The following TJP1 variants were observed in gnomAD, a reference collection of about 807,000 sequenced individuals.
The protein encoded by TJP1 is tight junction protein ZO-1.
TJP1 carries 43 observed loss-of-function variants against 194.2 expected under a neutral mutation model. The ratio of observed to expected loss-of-function variants is 0.22; its 90% CI spans 0.17 to 0.29. The LOEUF is 0.29. Among genes scored for constraint, TJP1 ranks in the 10% least tolerant of loss-of-function variants. The probability of loss-of-function intolerance (pLI) is 1.00; values close to 1 mark genes in which losing one functional copy is unlikely to be tolerated. For missense variants in TJP1, 1,971 were observed against 2,185.7 expected, an observed-to-expected ratio of 0.90 and a Z score of 1.96; for synonymous variants, 801 against 779.0, an observed-to-expected ratio of 1.03 and a Z score of -0.47.
chr15:29,757,001 CAT>C (rs1329218060), intron 8 of TJP1, among the ~76,000 whole-genome samples: 1 of 152,206 alleles, frequency 6.6e-6, no homozygotes, highest in Non-Finnish European at 1.5e-5. Context: ...GTAGCGAACA[CAT>C]GTGCCAGGTA....
chr15:29,876,111 A>G (rs1369182111), intron 2 of TJP1, among the ~76,000 whole-genome samples: 1 of 152,224 alleles, frequency 6.6e-6, no homozygotes, highest in African/African-American at 2.4e-5. Context: ...TGAACAGTGC[A>G]GAAAGTTCTG....
At chr15:29,718,167 ATAAT>A in intron 21 of TJP1, 49 bp from the exon 22 acceptor site, 1 of 1,587,190 alleles carries the variant, frequency 6.3e-7, no homozygotes, top group South Asian at 1.2e-5. Flanking sequence ...TAAGGAACAG[ATAAT>A]TAACAGAATA....
intron 8 of TJP1, chr15:29,759,529 GTTA>G (rs1363522494): frequency 6.6e-6 from 1 of 152,088 alleles, no homozygotes; most frequent in East Asian, 1.9e-4. Context: ...TCAAGTATAC[GTTA>G]TTAACTCTTG....
chr15:29,932,140 T>C (rs2054737684), intron 2 of TJP1, among the ~76,000 whole-genome samples: 2 of 152,122 alleles, frequency 1.3e-5, no homozygotes, highest in Admixed American at 1.3e-4. Flanking sequence ...TTTAACCGTC[T>C]GGGAATGCAG....
rs111799924 is a variant in TJP1 at position 29,775,350 on chromosome 15, G to C, written c.85-1993C>G. Among the ~76,000 whole-genome samples, 620 of 151,600 alleles carry C rather than the reference G, an allele frequency of 4.1e-3. 6 individuals are homozygous for C. The highest frequency in any genetic ancestry group is 0.015 in the African/African-American group (601 of 41,440). ...AGAAAAAAAAAAAAAAATATGCTGA[G>C]GTTACTAAGATCTACAGGGAGAAGG... On this transcript the variant is annotated intron_variant, in intron 2 of 27. Transcript: ENST00000614355.
chr15:29,934,718 A>G (rs79147519), intron 2 of TJP1, among the ~76,000 whole-genome samples: 82 of 152,356 alleles, frequency 5.4e-4, no homozygotes, highest in East Asian at 4.1e-3. Flanking sequence ...ATGTGTATGC[A>G]TAACTAAAGC....
At position 29,782,963 on chromosome 15, in the gene TJP1, G is replaced by C. The variant is rs563407849; in HGVS notation, c.85-9606C>G. On this transcript the variant is annotated intron_variant, in intron 2 of 27. Transcript: ENST00000614355. ...AAATGCTCAACATCAGTAATCATCA[G>C]AGAAATGCAAACTGAAACCACAATG... Among the ~76,000 whole-genome samples the C allele has an allele frequency of 1.8e-4, 27 of 149,996 alleles. 1 individual carries two copies. Among genetic ancestry groups the C allele is most frequent in the African/African-American group, 6.4e-4 (26 of 40,834 alleles).
chr15:29,859,240 G>A (rs141818074), intron 2 of TJP1, among the ~76,000 whole-genome samples: 10 of 152,278 alleles, frequency 6.6e-5, no homozygotes, highest in African/African-American at 1.9e-4. Flanking sequence ...AATGATCAAA[G>A]TGTTCGCATC....
intron 2 of TJP1, among the ~76,000 whole-genome samples, chr15:29,782,188 C>T (rs923756271): frequency 6.6e-6 from 1 of 151,718 alleles, no homozygotes; most frequent in Non-Finnish European, 1.5e-5. Context: ...CAGCCAAGAG[C>T]CAAATCAGGA....
At chr15:29,882,783 A>G (rs150815887) in intron 2 of TJP1, among the ~76,000 whole-genome samples, 237 of 152,292 alleles carry the variant, frequency 1.6e-3, no homozygotes, top group African/African-American at 5.1e-3. Context: ...TGCTGGATCA[A>G]TCTGGTGGAG....
chr15:29,857,881 C>T (rs1321644400), intron 2 of TJP1, among the ~76,000 whole-genome samples: 1 of 152,176 alleles, frequency 6.6e-6, no homozygotes, highest in African/African-American at 2.4e-5. Flanking sequence ...CCTGCCTCAG[C>T]CTCCGGACTA....
intron 2 of TJP1, among the ~76,000 whole-genome samples, chr15:29,929,299 A>G (rs562011571): frequency 1.4e-4 from 22 of 152,228 alleles, no homozygotes; most frequent in South Asian, 8.3e-4. Context: ...TGAAAGCACT[A>G]ACTATTGAAA....
Position 29,701,134 on chromosome 15 carries a change from T to C in TJP1, c.*461A>G, listed in dbSNP as rs1323632914. ...TCTGTTAAATCCACAACACTGGTTA[T>C]ATATTCCAGGTGCATTTAAAAAATG... is the stretch of plus-strand genomic sequence containing the variant. On this transcript the variant is annotated 3_prime_UTR_variant, in exon 28 of 28. Transcript: ENST00000614355. 1.3e-5 allele frequency: 2 copies of C among 155,786 alleles called. No homozygotes were observed. The highest frequency in any genetic ancestry group is 1.4e-5 in the Non-Finnish European group (1 of 70,008). The allele number at this position is 155,786 out of a possible 1,614,324, so 9.7% of individuals were successfully genotyped here.
intron 8 of TJP1, among the ~76,000 whole-genome samples, chr15:29,752,524 T>C (rs10162985): frequency 0.99 from 150,737 of 152,332 alleles, 74,602 homozygotes; most frequent in Middle Eastern, 1. Context: ...CCCATGACTA[T>C]ACTTGGGTTT....
chr15:29,855,108 T>C (rs1046526979), intron 2 of TJP1, among the ~76,000 whole-genome samples: 5 of 152,028 alleles, frequency 3.3e-5, no homozygotes, highest in Admixed American at 3.3e-4. Flanking sequence ...TTCACAAAAG[T>C]AATGAAAAAT....
chr15:29,905,743 G>A (rs1465536524), intron 2 of TJP1, among the ~76,000 whole-genome samples: 2 of 152,108 alleles, frequency 1.3e-5, no homozygotes, highest in Non-Finnish European at 2.9e-5. Flanking sequence ...ATACGTATTT[G>A]GTTTCTTTTA....
intron 2 of TJP1, among the ~76,000 whole-genome samples, chr15:29,840,612 A>G (rs530037129): frequency 1.3e-5 from 2 of 152,126 alleles, no homozygotes; most frequent in East Asian, 1.9e-4. Flanking sequence ...CCTGCCCACA[A>G]CACTGCCCCA....
At chr15:29,713,621 C>T (rs1207029724) in intron 23 of TJP1, among the ~76,000 whole-genome samples, 1 of 152,162 alleles carries the variant, frequency 6.6e-6, no homozygotes, top group Non-Finnish European at 1.5e-5. Context: ...TTTTGAAATG[C>T]AGGACAGAAT....
chr15:29,862,796 T>C (rs546396455), intron 2 of TJP1, among the ~76,000 whole-genome samples: 5 of 151,590 alleles, frequency 3.3e-5, no homozygotes, highest in East Asian at 2.0e-4. Context: ...TACAGGTGCC[T>C]GCCACCACGC....
Sources: gnomAD v4.1 joint callset for allele counts (sites outside exome capture counted in the v4.1 genomes callset) on GRCh38, gnomAD v4.1.1 for gene constraint, MANE v1.5 for transcripts, NCBI Gene and HGNC (gene_info 2026-07-23, HGNC 2026-07-21) for gene names.